The following RECQL variants were observed in gnomAD, a reference collection of about 807,000 sequenced individuals.
The protein encoded by RECQL is ATP-dependent DNA helicase Q1.
A neutral mutation model predicts 75.8 loss-of-function variants in RECQL; 73 were observed. That is an observed-to-expected ratio of 0.96 (90% CI 0.80 to 1.17). RECQL has a LOEUF of 1.17. RECQL is among the 50% of genes most tolerant of loss of function. RECQL has a pLI of 0.00. For missense variants in RECQL, 699 were observed against 772.1 expected, an observed-to-expected ratio of 0.91 and a Z score of 1.12; for synonymous variants, 248 against 254.4, an observed-to-expected ratio of 0.97 and a Z score of 0.24.
chr12:21,478,300 C>T (rs1158272226), intron 6 of RECQL, among the ~76,000 whole-genome samples: 1 of 152,084 alleles, frequency 6.6e-6, no homozygotes, highest in Non-Finnish European at 1.5e-5. Context: ...TTGGTAAGGG[C>T]GGCACTGCTT....
In RECQL at chr12:21,475,454, T is replaced by C; in HGVS notation, c.1216+14A>G. 1 of 1,509,722 alleles carries C rather than the reference T, an allele frequency of 6.6e-7. No individual in the cohort carries two copies. The highest frequency in any genetic ancestry group is 9.1e-7 in the Non-Finnish European group (1 of 1,101,166). The allele number at this position is 1,509,722 out of a possible 1,614,324, so 93.5% of individuals were successfully genotyped here. ...CTTTCTAAAAATTTACTTCTGGATT[T>C]GAGTCCTACATACCTGCACGTCCAC... On this transcript the variant is annotated intron_variant, in intron 10 of 14. Transcript: ENST00000444129.
At chr12:21,482,259 T>C (rs1638444368) in intron 6 of RECQL, among the ~76,000 whole-genome samples, 1 of 69,292 alleles carries the variant, frequency 1.4e-5, no homozygotes, top group South Asian at 8.8e-4. Context: ...TTTTCTGCCT[T>C]AACAAAAGAA....
intron 3 of RECQL, among the ~76,000 whole-genome samples, chr12:21,491,288 A>G (rs986011445): frequency 3.0e-4 from 46 of 152,282 alleles, no homozygotes; most frequent in African/African-American, 1.1e-3. Context: ...AACATGATCA[A>G]TGTTGCTGTA....
chr12:21,469,477 T>G lies in RECQL; in HGVS notation c.*717A>C, dbSNP rs1464372331. ...ATGTGGCTCAGGGAAGCCAAAAGATTGGACATCCCTGATCTACATATTTAA... is the reference window on the plus strand; with the variant it reads ...ATGTGGCTCAGGGAAGCCAAAAGATGGGACATCCCTGATCTACATATTTAA... On this transcript the variant is annotated 3_prime_UTR_variant, in exon 15 of 15. Coordinates refer to ENST00000444129, the MANE Select transcript of RECQL (RefSeq NM_002907.4). 3.3e-5 allele frequency: 5 copies of G among 151,030 alleles called. No homozygotes were observed. In the East Asian group the frequency reaches 9.7e-4, roughly 29 times the overall value. 9.4% of individuals were successfully genotyped at this position (151,030 alleles called of 1,614,324 possible).
At chr12:21,476,200 G>T (rs956266133) in intron 8 of RECQL, among the ~76,000 whole-genome samples, 2 of 151,938 alleles carry the variant, frequency 1.3e-5, no homozygotes, top group Non-Finnish European at 2.9e-5. Context: ...AAATTAATTT[G>T]GAGAACATTG....
intron 2 of RECQL, among the ~76,000 whole-genome samples, chr12:21,497,163 C>A (rs1212369485): frequency 6.6e-6 from 1 of 152,158 alleles, no homozygotes; most frequent in Non-Finnish European, 1.5e-5. Context: ...ATCAGGCAGG[C>A]CTCCATCATC....
chr12:21,477,998 T>C (rs200095869), intron 6 of RECQL, 29 bp from the exon 7 acceptor site: 132 of 1,584,522 alleles, frequency 8.3e-5, no homozygotes, highest in Non-Finnish European at 1.1e-4. Context: ...TGGCCCTTTT[T>C]CTATCCTTTA....
Position 21,475,119 on chromosome 12 carries a change from G to A in RECQL, c.1217-140C>T, listed in dbSNP as rs1943057511. On this transcript the variant is annotated intron_variant, in intron 10 of 14. Coordinates refer to ENST00000444129, the MANE Select transcript of RECQL (RefSeq NM_002907.4). The stretch of plus-strand genomic sequence containing the variant: ...GAGATGTGGAAGTTAATTTGTAATG[G>A]GTACCCTCAAATTAAAAAAAACTCT... 7.8e-6 allele frequency: 6 copies of A among 772,256 alleles called. No individual in the cohort carries two copies. The Admixed American group carries it at 8.8e-5, about 11-fold the overall frequency. The allele number at this position is 772,256 out of a possible 1,614,324, so 47.8% of individuals were successfully genotyped here.
intron 8 of RECQL, 79 bp from the exon 9 acceptor site, chr12:21,475,903 A>G: frequency 8.7e-7 from 1 of 1,154,260 alleles, no homozygotes. Flanking sequence ...CATTCAGGAC[A>G]TTGATTAATA....
intron 12 of RECQL, among the ~76,000 whole-genome samples, chr12:21,472,486 C>T (rs959796811): frequency 6.6e-6 from 1 of 151,588 alleles, no homozygotes; most frequent in African/African-American, 2.4e-5. Flanking sequence ...TATAGCTGCT[C>T]CTTAGTTATA....
Position 21,475,696 on chromosome 12 carries a change from A to T in RECQL, c.1078T>A (p.Trp360Arg). The T allele has an allele frequency of 6.2e-7, 1 of 1,613,330 alleles. No individual in the cohort carries two copies. Among genetic ancestry groups the T allele is most frequent in the Non-Finnish European group, 8.5e-7 (1 of 1,179,480 alleles). Residue 360 changes from tryptophan to arginine, a missense_variant, in exon 9 of 15, where the codon TGG becomes AGG. Around this residue, in one of 2 missense-constraint regions of RECQL, gnomAD observed 669 missense variants for 713.5 expected, o/e 0.94. Transcript: ENST00000444129. ...PEDKTTVHRKWSANEIQVVVA... is the reference protein window; with the variant it reads ...PEDKTTVHRKRSANEIQVVVA... ...CTAACCTGAATTTCATTGGCTGACCATTTTCTATGAACTGTGGTCTTATCT... is the reference window on the plus strand; with the variant it reads ...CTAACCTGAATTTCATTGGCTGACCTTTTTCTATGAACTGTGGTCTTATCT...
intron 6 of RECQL, among the ~76,000 whole-genome samples, chr12:21,478,954 G>A (rs1943138320): frequency 1.3e-5 from 2 of 152,246 alleles, no homozygotes; most frequent in South Asian, 2.1e-4. Flanking sequence ...ACCCACAGAG[G>A]CGATAGCTAC....
intron 5 of RECQL, among the ~76,000 whole-genome samples, chr12:21,485,342 AAG>A (rs1405544375): frequency 2.7e-5 from 4 of 150,616 alleles, no homozygotes; most frequent in Non-Finnish European, 4.4e-5. Context: ...AAAAAAAAAA[AAG>A]AAAAAGAAAG....
chr12:21,486,105 G>A (rs941223540), intron 5 of RECQL, among the ~76,000 whole-genome samples: 2 of 152,188 alleles, frequency 1.3e-5, no homozygotes, highest in East Asian at 3.9e-4. Flanking sequence ...TGGGCTATAA[G>A]GTCTCTATCA....
chr12:21,494,675 A>C (rs1943472311), intron 2 of RECQL, among the ~76,000 whole-genome samples: 1 of 152,216 alleles, frequency 6.6e-6, no homozygotes, highest in African/African-American at 2.4e-5. Context: ...GGAAGATCAA[A>C]TAGATTGATA....
chr12:21,473,688 GT>G lies in RECQL; in HGVS notation c.1356-47del, dbSNP rs1355135913. 3 of 1,501,796 alleles carry G rather than the reference GT, an allele frequency of 2.0e-6. No individual in the cohort carries two copies. The South Asian group carries it at 3.5e-5, about 17-fold the overall frequency. The allele number at this position is 1,501,796 out of a possible 1,614,324, so 93.0% of individuals were successfully genotyped here. A position where few individuals can be genotyped will look rare whatever the true frequency, so the allele number is the denominator to read the frequency against. On this transcript the variant is annotated intron_variant, in intron 11 of 14. Transcript: ENST00000444129. ...ACAAATTATTAAAGGATATAATAAA[GT>G]TTTAAGAATCTCTATTTCAGCTTAC...
intron 12 of RECQL, 38 bp downstream of exon 12, chr12:21,473,513 G>T: frequency 2.1e-6 from 3 of 1,461,936 alleles, no homozygotes; most frequent in Admixed American, 1.7e-5. Flanking sequence ...CATTATGACT[G>T]TATTAGCCTA....
intron 2 of RECQL, among the ~76,000 whole-genome samples, chr12:21,497,889 T>C (rs564676579): frequency 6.6e-6 from 1 of 152,300 alleles, no homozygotes; most frequent in Admixed American, 6.5e-5. Flanking sequence ...CCATTCTCTG[T>C]GGGGACAGAC....
intron 4 of RECQL, among the ~76,000 whole-genome samples, chr12:21,488,331 G>C (rs936435464): frequency 6.6e-6 from 1 of 152,088 alleles, no homozygotes; most frequent in African/African-American, 2.4e-5. Context: ...TCTCAGCCTT[G>C]TCTGCAAGCC....
Sources: gnomAD v4.1 joint callset for allele counts (sites outside exome capture counted in the v4.1 genomes callset) on GRCh38, gnomAD v4.1.1 for gene constraint, gnomAD v4.1.1 regional missense constraint, MANE v1.5 for transcripts, NCBI Gene and HGNC (gene_info 2026-07-23, HGNC 2026-07-21) for gene names.